Variants in PANK3 observed in about 807,000 individuals in gnomAD.
The protein encoded by PANK3 is hPanK3.
Under a neutral mutation model 39.4 loss-of-function variants are expected in PANK3, and 20 were observed. That is an observed-to-expected ratio of 0.51 (90% CI 0.36 to 0.74). The LOEUF is 0.74. Among genes scored for constraint, PANK3 ranks in the 30% least tolerant of loss-of-function variants. The pLI is 0.00. For missense variants in PANK3, 265 were observed against 437.0 expected (o/e 0.61, Z 3.51); for synonymous variants, 140 against 157.3 (o/e 0.89, Z 0.82).
chr5:168,570,793 G>A (rs1012237336), intron 1 of PANK3, among the ~76,000 whole-genome samples: 3 of 152,144 alleles, frequency 2.0e-5, no homozygotes, highest in Non-Finnish European at 4.4e-5. Flanking sequence ...GTAAGAGAGT[G>A]GCACAGTCTA....
intron 6 of PANK3, 30 bp from the exon 7 acceptor site, chr5:168,557,651 G>A: frequency 6.3e-7 from 1 of 1,584,004 alleles, no homozygotes. Context: ...CTGTTATGTA[G>A]TACAGCTTTT....
chr5:168,574,323 G>A (rs1759697820), intron 1 of PANK3, among the ~76,000 whole-genome samples: 1 of 151,826 alleles, frequency 6.6e-6, no homozygotes, highest in African/African-American at 2.4e-5. Flanking sequence ...CTTCTTTTGA[G>A]AAGTGTCTGT....
intron 1 of PANK3, among the ~76,000 whole-genome samples, chr5:168,569,666 G>A (rs181428413): frequency 3.9e-4 from 60 of 152,150 alleles, no homozygotes; most frequent in Non-Finnish European, 7.9e-4. Context: ...TCAACACTAA[G>A]GGCATGAAAA....
intron 1 of PANK3, 35 bp from the exon 2 acceptor site, chr5:168,569,033 AT>A: frequency 9.3e-6 from 3 of 324,088 alleles, no homozygotes; most frequent in Non-Finnish European, 9.4e-6. Context: ...AAAAAAAAAT[AT>A]ATATATATAT....
rs928798207 is a variant in PANK3, at chr5:168,568,848, G to A, written c.179C>T (p.Ser60Phe). The change falls in exon 2 of 7, where the codon TCC becomes TTC. Residue 60 changes from serine to phenylalanine, a missense_variant. By Grantham distance (155) the Ser-to-Phe change is radical. Around this residue, in one of 3 missense-constraint regions of PANK3, gnomAD observed 154 missense variants for 256.8 expected, o/e 0.60. Transcript: ENST00000239231. ...KYLTSNVAYG[S>F]TGIRDVHLEL... ...AAGGTGTACATCCCGAATGCCGGTG[G>A]ATCCATATGCCACGTTAGAAGTCAA... is the stretch of plus-strand genomic sequence containing the variant. 8 of 1,613,618 alleles carry A rather than the reference G, an allele frequency of 5.0e-6. No individual in the cohort carries two copies. Among genetic ancestry groups the A allele is most frequent in the Non-Finnish European group, 5.1e-6 (6 of 1,179,974 alleles).
In PANK3 at chr5:168,557,124, T is replaced by C. The variant is rs1183817136; in HGVS notation, c.*447A>G. 6.5e-6 allele frequency: 1 copy of C among 154,866 alleles called. No individual in the cohort carries two copies. The highest frequency in any genetic ancestry group is 1.4e-5 in the Non-Finnish European group (1 of 69,426). 9.6% of individuals were successfully genotyped at this position (154,866 alleles called of 1,614,324 possible). On this transcript the variant is annotated 3_prime_UTR_variant, in exon 7 of 7. Transcript: ENST00000239231. ...TTCTAAAATCACATAAAAATGATCA[T>C]CTTTGATTGCCATTTCAGTAATTTT...
At position 168,566,276 on chromosome 5, in the gene PANK3, C is replaced by A. The variant is rs1391251810; in HGVS notation, c.382-10G>T. ...GGTGGAGGTTTCCAATCTGTTAAAACAAACAAACAAAAACAAAAAAGGATG... is the reference window on the plus strand; with the variant it reads ...GGTGGAGGTTTCCAATCTGTTAAAAAAAACAAACAAAAACAAAAAAGGATG... On this transcript the variant is annotated splice_polypyrimidine_tract_variant and intron_variant, in intron 2 of 6. Coordinates refer to ENST00000239231, the MANE Select transcript of PANK3 (RefSeq NM_024594.4). The A allele has an allele frequency of 6.4e-7, 1 of 1,564,682 alleles. No homozygotes were observed. Among genetic ancestry groups the A allele is most frequent in the Admixed American group, 1.8e-5 (1 of 55,640 alleles).
intron 4 of PANK3, among the ~76,000 whole-genome samples, 192 bp from the exon 5 acceptor site, chr5:168,561,708 G>A (rs1759451816): frequency 6.6e-6 from 1 of 151,992 alleles, no homozygotes; most frequent in African/African-American, 2.4e-5. Flanking sequence ...AAAGAATTAA[G>A]GTTAAAATGA....
At chr5:168,563,007 C>G (rs570694162) in intron 4 of PANK3, among the ~76,000 whole-genome samples, 1 of 151,820 alleles carries the variant, frequency 6.6e-6, no homozygotes, top group African/African-American at 2.4e-5. Flanking sequence ...GACATTAGGG[C>G]CTTCTGGAAA....
rs1759234366 is a variant in PANK3, at chr5:168,549,020, T to A, written c.*8551A>T. The A allele has an allele frequency of 6.6e-6, 1 of 152,218 alleles. No homozygotes were observed. Among genetic ancestry groups the A allele is most frequent in the South Asian group, 2.1e-4 (1 of 4,834 alleles). 9.4% of individuals were successfully genotyped at this position (152,218 alleles called of 1,614,324 possible). A position where few individuals can be genotyped will look rare whatever the true frequency, so the allele number is the denominator to read the frequency against. The stretch of plus-strand genomic sequence containing the variant: ...TTCCTTAGATTGGGACATAATAACA[T>A]CTTCTGAGTACACTTTGGTCAATAA... On this transcript the variant is annotated 3_prime_UTR_variant, in exon 7 of 7. Transcript: ENST00000239231.
chr5:168,558,700 G>A (rs542344620), intron 6 of PANK3, among the ~76,000 whole-genome samples: 1 of 152,298 alleles, frequency 6.6e-6, no homozygotes, highest in East Asian at 1.9e-4. Flanking sequence ...CTGAAGCGAA[G>A]GAACCAATAT....
Position 168,568,966 on chromosome 5 carries a change from T to A in PANK3, c.61A>T (p.Thr21Ser). ...FPWFGMDIGGTLVKLSYFEPI... is the reference protein window; with the variant it reads ...FPWFGMDIGGSLVKLSYFEPI... ...TCAAAGTACGAGAGCTTTACTAGAG[T>A]TCCCCCAATGTCCATGCCAAACCAT... The change falls in exon 2 of 7, where the codon ACT becomes TCT. Residue 21 changes from threonine (T) to serine (S), a missense_variant. Transcript: ENST00000239231. The A allele has an allele frequency of 6.3e-7, 1 of 1,575,760 alleles. No homozygotes were observed.
At chr5:168,573,554 G>T (rs1394380612) in intron 1 of PANK3, among the ~76,000 whole-genome samples, 2 of 150,656 alleles carry the variant, frequency 1.3e-5, no homozygotes, top group Non-Finnish European at 2.9e-5. Context: ...AAGTTTTAGG[G>T]TACATGTGCA....
At chr5:168,559,187 TA>T (rs746416362) in intron 5 of PANK3, 30 bp from the exon 6 acceptor site, 48 of 1,353,144 alleles carry the variant, frequency 3.5e-5, no homozygotes, top group Non-Finnish European at 4.6e-5. Context: ...AAAAAACTTG[TA>T]AAAATAATAG....
intron 1 of PANK3, among the ~76,000 whole-genome samples, chr5:168,570,151 G>C (rs1196446531): frequency 6.6e-6 from 1 of 152,156 alleles, no homozygotes; most frequent in Non-Finnish European, 1.5e-5. Context: ...GGGAGGCCGA[G>C]ACGGGTGGAT....
chr5:168,571,435 A>G (rs1759628751), intron 1 of PANK3, among the ~76,000 whole-genome samples: 1 of 152,210 alleles, frequency 6.6e-6, no homozygotes, highest in African/African-American at 2.4e-5. Context: ...GAGGCAAAGC[A>G]ATTACAAACT....
At chr5:168,562,541 G>A (rs1390288278) in intron 4 of PANK3, among the ~76,000 whole-genome samples, 2 of 152,142 alleles carry the variant, frequency 1.3e-5, no homozygotes, top group Non-Finnish European at 2.9e-5. Flanking sequence ...CAAAGAACTT[G>A]GGGTGCACAA....
At chr5:168,562,306 G>C (rs1759460289) in intron 4 of PANK3, among the ~76,000 whole-genome samples, 1 of 152,144 alleles carries the variant, frequency 6.6e-6, no homozygotes, top group African/African-American at 2.4e-5. Context: ...GAAGGTATGA[G>C]GCAGGGCTTT....
chr5:168,569,039 A>ATG (rs1465543987), intron 1 of PANK3, 41 bp from the exon 2 acceptor site: 2 of 407,776 alleles, frequency 4.9e-6, no homozygotes, highest in African/African-American at 2.3e-5. Context: ...AAATATATAT[A>ATG]TATATATATA....
Sources: allele counts gnomAD v4.1 joint callset (sites outside exome capture counted in the v4.1 genomes callset), GRCh38; gene constraint gnomAD v4.1.1; regional missense constraint gnomAD v4.1.1; transcripts MANE v1.5; gene names NCBI Gene and HGNC (gene_info 2026-07-23, HGNC 2026-07-21).